Variants in PLCE1 observed in about 807,000 individuals in gnomAD.
PLCE1 encodes the protein phospholipase C epsilon 1.
A neutral mutation model predicts 242.8 loss-of-function variants in PLCE1; 119 were observed. That is an observed-to-expected ratio of 0.49 (90% CI 0.42 to 0.57). The LOEUF (loss-of-function observed/expected upper bound fraction) is 0.57, where lower values mean the gene tolerates loss of function less well. Ranked by LOEUF, PLCE1 falls within the 20% of genes least tolerant of loss-of-function variation. The probability of loss-of-function intolerance (pLI) is 0.00; values close to 1 mark genes in which losing one functional copy is unlikely to be tolerated. For missense variants in PLCE1, 2,441 were observed against 2,788.8 expected, an observed-to-expected ratio of 0.88 and a Z score of 2.81; for synonymous variants, 945 against 1,017.4, an observed-to-expected ratio of 0.93 and a Z score of 1.35.
At chr10:94,305,260 T>C (rs1359042493) in intron 25 of PLCE1, among the ~76,000 whole-genome samples, 3 of 152,082 alleles carry the variant, frequency 2.0e-5, no homozygotes, top group East Asian at 3.9e-4. Flanking sequence ...CAAAACCCTG[T>C]TTCTACAAAA....
chr10:94,198,728 G>C (rs1210746235), intron 4 of PLCE1, among the ~76,000 whole-genome samples: 1 of 152,146 alleles, frequency 6.6e-6, no homozygotes, highest in East Asian at 1.9e-4. Context: ...TTTGAGCCTG[G>C]CTTTCTTCAT....
chr10:94,166,067 G>A (rs1480831912), intron 3 of PLCE1, among the ~76,000 whole-genome samples: 1 of 152,166 alleles, frequency 6.6e-6, no homozygotes, highest in Non-Finnish European at 1.5e-5. Context: ...GAGCAAAACA[G>A]AACTGTGTAA....
At chr10:94,312,470 C>T (rs1020054672) in intron 27 of PLCE1, among the ~76,000 whole-genome samples, 1 of 152,202 alleles carries the variant, frequency 6.6e-6, no homozygotes, top group Admixed American at 6.5e-5. Context: ...ACACATGTTA[C>T]GTCAATTTGG....
intron 2 of PLCE1, among the ~76,000 whole-genome samples, chr10:94,037,513 T>C (rs1179279073): frequency 2.6e-5 from 4 of 152,192 alleles, no homozygotes; most frequent in African/African-American, 9.6e-5. Context: ...TAGGCTTAGC[T>C]GGAAGCCTGT....
At chr10:94,043,249 C>T (rs7918106) in intron 2 of PLCE1, among the ~76,000 whole-genome samples, 1 of 151,962 alleles carries the variant, frequency 6.6e-6, no homozygotes, top group African/African-American at 2.4e-5. Flanking sequence ...ACCAGAGGCA[C>T]CCTGTTTTCC....
intron 4 of PLCE1, among the ~76,000 whole-genome samples, chr10:94,181,839 G>C (rs922545586): frequency 1.6e-5 from 2 of 123,692 alleles, no homozygotes; most frequent in African/African-American, 9.3e-5. Context: ...GAACATTTGG[G>C]CCCAGGAATT....
intron 4 of PLCE1, among the ~76,000 whole-genome samples, chr10:94,209,765 C>T (rs1290782966): frequency 6.6e-6 from 1 of 152,178 alleles, no homozygotes; most frequent in Non-Finnish European, 1.5e-5. Flanking sequence ...GCAGGTGCCT[C>T]ACAAAATCAA....
At position 94,171,510 on chromosome 10, in the gene PLCE1, T is replaced by C; in HGVS notation, c.1809+14T>C. The C allele has an allele frequency of 1.2e-6, 2 of 1,601,974 alleles. No individual in the cohort carries two copies. Among genetic ancestry groups the C allele is most frequent in the Non-Finnish European group, 1.7e-6 (2 of 1,168,862 alleles). ...AGGTTTAATGAGGTAAGAAGCCACTTTTTGATGTCTTGGTATTTGACTCAC... is the reference window on the plus strand; with the variant it reads ...AGGTTTAATGAGGTAAGAAGCCACTCTTTGATGTCTTGGTATTTGACTCAC... On this transcript the variant is annotated intron_variant, in intron 4 of 32. Transcript: ENST00000371380.
intron 1 of PLCE1, among the ~76,000 whole-genome samples, chr10:94,020,143 C>G (rs1186704878): frequency 6.6e-6 from 1 of 152,132 alleles, no homozygotes; most frequent in Non-Finnish European, 1.5e-5. Context: ...TGCAGTTGCT[C>G]TATGTTTTTA....
chr10:94,058,044 A>G (rs1288967656), intron 2 of PLCE1, among the ~76,000 whole-genome samples: 2 of 152,220 alleles, frequency 1.3e-5, no homozygotes, highest in Non-Finnish European at 2.9e-5. Flanking sequence ...TCTAGGTATA[A>G]TATTTTCAGT....
intron 2 of PLCE1, among the ~76,000 whole-genome samples, chr10:94,071,495 G>GTTTTTTTTTTTTTTTTTTTTTTTTTTT (rs559496577): frequency 2.4e-5 from 2 of 83,308 alleles, no homozygotes; most frequent in African/African-American, 1.1e-4. Flanking sequence ...TTTGGTTTTC[G>GTTTTTTTTTTTTTTTTTTTTTTTTTTT]TTTTTTTTTT....
intron 32 of PLCE1, among the ~76,000 whole-genome samples, chr10:94,326,847 C>T (rs2054035066): frequency 6.6e-6 from 1 of 152,150 alleles, no homozygotes; most frequent in Admixed American, 6.5e-5. Context: ...ATTCTGTTAA[C>T]TTCACAGCTT....
At chr10:94,316,426 T>G (rs2053575646) in intron 28 of PLCE1, 121 bp from the exon 29 acceptor site, 2 of 693,546 alleles carry the variant, frequency 2.9e-6, no homozygotes, top group South Asian at 1.5e-5. Flanking sequence ...AAAAGAATTA[T>G]GCAATACTCT....
At chr10:94,113,271 TAAAA>T (rs11358009) in intron 2 of PLCE1, among the ~76,000 whole-genome samples, 3 of 144,298 alleles carry the variant, frequency 2.1e-5, no homozygotes. Context: ...AAGCTGCTGT[TAAAA>T]AAAAAAAAAA....
Position 94,279,764 on chromosome 10 carries a change from A to G in PLCE1, c.4666-18A>G. On this transcript the variant is annotated intron_variant, in intron 19 of 32. Coordinates refer to ENST00000371380, the MANE Select transcript of PLCE1 (RefSeq NM_016341.4). The stretch of plus-strand genomic sequence containing the variant: ...ATTAACTTGGCATCTGCAGTTTACA[A>G]TTATTGCTATTTTACAGGCTCATCA... The G allele has an allele frequency of 6.2e-7, 1 of 1,613,390 alleles. No individual in the cohort carries two copies. The highest frequency in any genetic ancestry group is 8.5e-7 in the Non-Finnish European group (1 of 1,179,432).
intron 7 of PLCE1, among the ~76,000 whole-genome samples, chr10:94,244,874 T>C (rs1252973046): frequency 6.6e-6 from 1 of 152,116 alleles, no homozygotes; most frequent in African/African-American, 2.4e-5. Context: ...CTAATGTTTG[T>C]ATTTTTTGTA....
intron 1 of PLCE1, among the ~76,000 whole-genome samples, chr10:94,009,829 A>C (rs777692188): frequency 6.6e-6 from 1 of 152,240 alleles, no homozygotes; most frequent in Non-Finnish European, 1.5e-5. Flanking sequence ...TGCAAGGTGC[A>C]GTACCCATGG....
chr10:94,130,889 G>A (rs745914683), intron 2 of PLCE1, among the ~76,000 whole-genome samples: 32 of 152,274 alleles, frequency 2.1e-4, no homozygotes, highest in Admixed American at 4.6e-4. Context: ...TGCCTGGCCC[G>A]CAGGGCAGTG....
chr10:94,082,896 T>G (rs2044694877), intron 2 of PLCE1, among the ~76,000 whole-genome samples: 1 of 152,186 alleles, frequency 6.6e-6, no homozygotes, highest in South Asian at 2.1e-4. Flanking sequence ...TGGCAAACAT[T>G]TGAACAAATT....
Sources: allele counts gnomAD v4.1 joint callset (sites outside exome capture counted in the v4.1 genomes callset), GRCh38; gene constraint gnomAD v4.1.1; transcripts MANE v1.5; gene names NCBI Gene and HGNC (gene_info 2026-07-23, HGNC 2026-07-21).